Variants in BCORL1 observed in about 807,000 individuals in gnomAD.
BCORL1 encodes the protein BCL-6 corepressor-like protein 1.
Under a neutral mutation model 87.6 loss-of-function variants are expected in BCORL1, and 7 were observed. The observed-to-expected ratio is 0.08, with a 90% CI of 0.05 to 0.15. The LOEUF (loss-of-function observed/expected upper bound fraction) is 0.15. Ranked by LOEUF, BCORL1 falls within the 10% of genes least tolerant of loss-of-function variation. The pLI, the probability that BCORL1 is intolerant of heterozygous loss-of-function variation, is 1.00. For missense variants in BCORL1, 1,215 were observed against 1,499.7 expected (o/e 0.81, Z 3.13); for synonymous variants, 591 against 634.4 (o/e 0.93, Z 1.03).
At chrX:130,028,461 A>G (rs1930374609) in intron 7 of BCORL1, among the ~76,000 whole-genome samples, 174 bp from the exon 8 acceptor site, 1 of 110,085 alleles carries the variant, frequency 9.1e-6, no homozygotes, top group South Asian at 3.9e-4. Context: ...GTGTTCATTC[A>G]AGAAGTATTT....
At position 130,015,440 on chromosome X, in the gene BCORL1, C is replaced by T. The variant is rs1024578984; in HGVS notation, c.2668C>T (p.Arg890Trp). Residue 890 changes from arginine (R) to tryptophan (W), a missense_variant, in exon 4 of 14, where the codon CGG becomes TGG. This residue lies in a region of BCORL1 where 861 missense variants were observed against 1,010.0 expected (regional missense o/e 0.85). Transcript: ENST00000540052. ...AVHGLPEGQP[R>W]PGGSFVPEQD... ...GCACGGACTTCCTGAGGGGCAACCA[C>T]GGCCTGGGGGCTCCTTCGTTCCAGA... 4.1e-6 allele frequency: 5 copies of T among 1,211,007 alleles called. No homozygotes were observed. The highest frequency in any genetic ancestry group is 5.9e-5 in the East Asian group (2 of 33,803).
intron 8 of BCORL1, among the ~76,000 whole-genome samples, chrX:130,029,843 C>CA (rs1162558987): frequency 9.1e-6 from 1 of 110,138 alleles, no homozygotes; most frequent in Non-Finnish European, 1.9e-5. Context: ...TACAAAAATA[C>CA]AAAAAATCAC....
intron 1 of BCORL1, 90 bp from the exon 2 acceptor site, chrX:130,005,098 A>G: frequency 1.9e-6 from 1 of 540,004 alleles, no homozygotes; most frequent in Non-Finnish European, 3.0e-6. Flanking sequence ...TGATGCTGTA[A>G]TTACCTTTAT....
intron 7 of BCORL1, among the ~76,000 whole-genome samples, chrX:130,025,653 G>A (rs1485600727): frequency 9.0e-6 from 1 of 111,188 alleles, no homozygotes; most frequent in Non-Finnish European, 1.9e-5. Context: ...AGGCCACGGT[G>A]ACATCCTTGG....
chrX:130,005,530 A>C (rs1239435525), intron 2 of BCORL1, among the ~76,000 whole-genome samples: 2 of 112,016 alleles, frequency 1.8e-5, no homozygotes, highest in Non-Finnish European at 3.8e-5. Flanking sequence ...TGAGGAGGCC[A>C]AAAAAATGAC....
rs2124454608 is a variant in BCORL1, at chrX:130,015,917, G to A, written c.3145G>A (p.Val1049Met). 3.3e-6 allele frequency: 4 copies of A among 1,212,034 alleles called. No homozygotes were observed. Among genetic ancestry groups the A allele is most frequent in the Non-Finnish European group, 4.5e-6 (4 of 895,632 alleles). Residue 1049 changes from valine (V) to methionine (M), a missense_variant, in exon 4 of 14, where the codon GTG (valine) becomes ATG (methionine). Val to Met is a conservative substitution (Grantham distance 21, BLOSUM62 1). Around this residue, in one of 5 missense-constraint regions of BCORL1, gnomAD observed 861 missense variants for 1,010.0 expected, o/e 0.85. Transcript: ENST00000540052. Reference sequence around the variant, plus strand: ...TGGAAGCCAGGTGGATCTGGGGCGAGTGAAAATGGAGAAGGTGGATGGTGA... The same window carrying A: ...TGGAAGCCAGGTGGATCTGGGGCGAATGAAAATGGAGAAGGTGGATGGTGA... Reference protein sequence around the residue: ...QLGSQVDLGRVKMEKVDGDVV... With the variant: ...QLGSQVDLGRMKMEKVDGDVV...
At chrX:130,024,635 T>C (rs1256350419) in intron 6 of BCORL1, among the ~76,000 whole-genome samples, 1 of 111,463 alleles carries the variant, frequency 9.0e-6, no homozygotes, top group Non-Finnish European at 1.9e-5. Context: ...TTATAAGAGC[T>C]AAGCAAGAGT....
intron 7 of BCORL1, 140 bp from the exon 8 acceptor site, chrX:130,028,495 A>G: frequency 1.9e-6 from 1 of 517,817 alleles, no homozygotes; most frequent in Non-Finnish European, 3.4e-6. Flanking sequence ...GCACAGCACT[A>G]GATATCGATA....
At chrX:129,984,823 C>T (rs1926467808) in intron 1 of BCORL1, among the ~76,000 whole-genome samples, 2 of 111,798 alleles carry the variant, frequency 1.8e-5, no homozygotes, top group Admixed American at 1.9e-4. Flanking sequence ...AGTGGAAGCA[C>T]TATGTTTTTG....
chrX:130,012,631 G>T lies in BCORL1; in HGVS notation c.140G>T (p.Gly47Val). 1 of 1,211,651 alleles carries T rather than the reference G, an allele frequency of 8.3e-7. No individual in the cohort carries two copies. Among genetic ancestry groups the T allele is most frequent in the South Asian group, 1.8e-5 (1 of 56,990 alleles). ...ACGACAGGCGACTGCCAGCACTTTG[G>T]ATCTCAGGAGTTTTGTGTCAGCAGC... is the stretch of plus-strand genomic sequence containing the variant. ...ESTTGDCQHFGSQEFCVSSSF... is the reference protein window; with the variant it reads ...ESTTGDCQHFVSQEFCVSSSF... The change falls in exon 3 of 14, where the codon GGA (glycine) becomes GTA (valine). Residue 47 changes from glycine to valine, a missense_variant. Coordinates refer to ENST00000540052, the MANE Select transcript of BCORL1 (RefSeq NM_001379451.1).
intron 10 of BCORL1, among the ~76,000 whole-genome samples, chrX:130,038,503 A>T (rs768943619): frequency 3.7e-3 from 376 of 102,565 alleles, no homozygotes; most frequent in African/African-American, 0.013. Flanking sequence ...TTTTTTTGAG[A>T]TGGAGTCTCA....
Position 130,020,966 on chromosome X carries a change from A to AC in BCORL1, c.3442-16dup. 1.7e-6 allele frequency: 2 copies of AC among 1,144,618 alleles called. No homozygotes were observed. Among genetic ancestry groups the AC allele is most frequent in the African/African-American group, 3.8e-5 (2 of 52,986 alleles). The allele number at this position is 1,144,618 out of a possible 1,213,427, so 94.3% of individuals were successfully genotyped here. On this transcript the variant is annotated intron_variant, in intron 4 of 13. Transcript: ENST00000540052. ...AGAAGCAAAACTGACCTCAGACCTG[A>AC]CCCTCTACCTCTCCACAGTGCCGGA...
intron 2 of BCORL1, among the ~76,000 whole-genome samples, chrX:130,012,196 A>C (rs766659352): frequency 3.6e-4 from 40 of 112,152 alleles, no homozygotes; most frequent in Non-Finnish European, 6.4e-4. Context: ...CTTTTGAGGC[A>C]TTCAGTGGTT....
chrX:130,007,125 C>T (rs911652756), intron 2 of BCORL1, among the ~76,000 whole-genome samples: 1 of 111,990 alleles, frequency 8.9e-6, no homozygotes, highest in South Asian at 3.7e-4. Context: ...CTTTGTTCTT[C>T]TGTTCCTAAC....
At chrX:130,036,295 C>A (rs1307398056) in intron 9 of BCORL1, among the ~76,000 whole-genome samples, 2 of 107,478 alleles carry the variant, frequency 1.9e-5, no homozygotes, top group African/African-American at 6.8e-5. Context: ...GAGTCTTGCT[C>A]TGTCACCTAG....
At chrX:129,997,846 T>C (rs994705015) in intron 1 of BCORL1, among the ~76,000 whole-genome samples, 26 of 107,396 alleles carry the variant, frequency 2.4e-4, no homozygotes, top group African/African-American at 8.1e-4. Flanking sequence ...GTTCCTTTTC[T>C]TTTTGGTTTC....
intron 1 of BCORL1, among the ~76,000 whole-genome samples, chrX:130,002,275 GAA>G (rs1228604094): frequency 9.1e-6 from 1 of 110,182 alleles, no homozygotes; most frequent in Non-Finnish European, 1.9e-5. Flanking sequence ...CTGGCAGCTG[GAA>G]ATTCTGGTCT....
chrX:130,047,221 C>T lies in BCORL1; in HGVS notation c.4841-3496C>T, dbSNP rs1189547927. On this transcript the variant is annotated intron_variant, in intron 11 of 13. Transcript: ENST00000540052. ...ATGTACAAATACTTGTTTGAGTATC[C>T]ATTTTCGTTCTTTGGGGCATATACC... Among the ~76,000 whole-genome samples the T allele has an allele frequency of 2.7e-5, 3 of 111,381 alleles. 1 individual carries two copies. Among genetic ancestry groups the T allele is most frequent in the Non-Finnish European group, 5.6e-5 (3 of 53,127 alleles).
In BCORL1 at chrX:130,040,627, C is replaced by T. The variant is rs1025872022; in HGVS notation, c.4840+1345C>T. On this transcript the variant is annotated intron_variant, in intron 11 of 13. Coordinates refer to ENST00000540052, the MANE Select transcript of BCORL1 (RefSeq NM_001379451.1). ...GGTTCCCAAGCCCCTGTCCTTGAGG[C>T]GCAGAGCAGCCTTGGAATGTTCATT... Among the ~76,000 whole-genome samples the T allele has an allele frequency of 2.7e-5, 3 of 112,374 alleles. No homozygotes were observed. The Admixed American group carries it at 2.8e-4, about 11-fold the overall frequency.
Sources: gnomAD v4.1 joint callset for allele counts (sites outside exome capture counted in the v4.1 genomes callset) on GRCh38, gnomAD v4.1.1 for gene constraint, gnomAD v4.1.1 regional missense constraint, MANE v1.5 for transcripts, NCBI Gene and HGNC (gene_info 2026-07-23, HGNC 2026-07-21) for gene names.